The following TOP1MT variants were observed in gnomAD, a reference collection of about 807,000 sequenced individuals.
The protein encoded by TOP1MT is DNA topoisomerase I mitochondrial, also known as DNA topoisomerase I, mitochondrial.
A neutral mutation model predicts 73.9 loss-of-function variants in TOP1MT; 80 were observed. The ratio of observed to expected loss-of-function variants is 1.08; its 90% CI spans 0.90 to 1.30. The LOEUF is 1.30. TOP1MT is among the 50% of genes most tolerant of loss of function. The pLI, the probability that TOP1MT is intolerant of heterozygous loss-of-function variation, is 0.00. For synonymous variants in TOP1MT, 338 were observed against 326.4 expected, an observed-to-expected ratio of 1.04 and a Z score of -0.38; for missense variants, 815 against 808.0, an observed-to-expected ratio of 1.01 and a Z score of -0.10.
rs1370898269 is a variant in TOP1MT, at chr8:143,310,076, G to A, written c.1695C>T (p.Ser565=). 2.5e-6 allele frequency: 4 copies of A among 1,612,724 alleles called. No individual in the cohort carries two copies. Among genetic ancestry groups the A allele is most frequent in the Non-Finnish European group, 3.4e-6 (4 of 1,179,988 alleles). Residue 565 remains serine, a synonymous_variant, in exon 13 of 14, where the codon AGC becomes AGT. Transcript: ENST00000329245. ...SKLNYLDPRI[S]IAWCKRFRVP... is the part of the protein sequence containing the mutation. ...ACCCCAGGCACACGCACCAGGCAAT[G>A]CTGATCCTGGGGTCCAGGTAGTTGA...
rs548590741 is a variant in TOP1MT, at chr8:143,326,430, C to T, written c.361-86G>A. On this transcript the variant is annotated intron_variant, in intron 3 of 13. Transcript: ENST00000329245. ...TCGCCATGTCTGACGGACAGAAACG[C>T]GCTCTCGCCATGTCCGACGGAGGCG... is the stretch of plus-strand genomic sequence containing the variant. 243 of 1,571,540 alleles carry T rather than the reference C, an allele frequency of 1.5e-4. No homozygotes were observed. The African/African-American group carries it at 2.1e-3, about 14-fold the overall frequency.
rs1022801958 is a variant in TOP1MT at position 143,353,775 on chromosome 8, C to A, written c.-39+2190G>T. Reference sequence around the variant, plus strand: ...GGTCAGGAGTTTGAGACCAGCCTGGCCAACATGGTGAAACCCCGTCTCTAC... The same window carrying A: ...GGTCAGGAGTTTGAGACCAGCCTGGACAACATGGTGAAACCCCGTCTCTAC... On this transcript the variant is annotated intron_variant, in intron 1 of 5. Coordinates refer to the TOP1MT transcript ENST00000518760. 2.6e-5 allele frequency among the ~76,000 whole-genome samples: 4 copies of A among 151,844 alleles called. No homozygotes were observed. In the East Asian group the frequency reaches 7.8e-4, roughly 29 times the overall value.
chr8:143,319,062 C>T (rs1816256205), intron 8 of TOP1MT, among the ~76,000 whole-genome samples: 1 of 152,184 alleles, frequency 6.6e-6, no homozygotes, highest in African/African-American at 2.4e-5. Context: ...TTCACCACGG[C>T]AGGGGCACTG....
upstream of TOP1MT, among the ~76,000 whole-genome samples, chr8:143,349,296 A>G (rs1817281375): frequency 6.7e-6 from 1 of 149,424 alleles, no homozygotes; most frequent in African/African-American, 2.4e-5. Flanking sequence ...ACCTGCTCCC[A>G]GAGCCCCCCT....
chr8:143,324,429 G>T lies in TOP1MT; in HGVS notation c.816+56C>A, dbSNP rs548558202. ...TGCCCGGCTTACACACCTCCCTGCCGGCGTCCTCAGGGGGACCTCCTGGGG... is the reference window on the plus strand; with the variant it reads ...TGCCCGGCTTACACACCTCCCTGCCTGCGTCCTCAGGGGGACCTCCTGGGG... On this transcript the variant is annotated intron_variant, in intron 6 of 13. Transcript: ENST00000329245. The T allele has an allele frequency of 1.7e-4, 281 of 1,610,374 alleles. 1 individual carries two copies. The South Asian group carries it at 2.9e-3, about 17-fold the overall frequency.
chr8:143,351,427 G>T (rs1817319056), intron 1 of TOP1MT, among the ~76,000 whole-genome samples: 2 of 151,916 alleles, frequency 1.3e-5, no homozygotes, highest in South Asian at 4.2e-4. Context: ...ACAAAAATTA[G>T]CCTGGCAAGA....
intron 7 of TOP1MT, among the ~76,000 whole-genome samples, chr8:143,322,989 C>CAG (rs1563760617): frequency 1.7e-4 from 22 of 125,846 alleles, no homozygotes; most frequent in Non-Finnish European, 2.3e-4. Context: ...ACGCCACACA[C>CAG]GCACGCCACA....
In TOP1MT at chr8:143,354,542, G is replaced by A. The variant is rs556426237; in HGVS notation, c.-39+1423C>T. Among the ~76,000 whole-genome samples, 7 of 152,038 alleles carry A rather than the reference G, an allele frequency of 4.6e-5. No homozygotes were observed. In the East Asian group the frequency reaches 9.7e-4, roughly 21 times the overall value. ...AGCCTGACCAACATGGAGAAACCCC[G>A]TCTCTACTAAAAATACAAAATTAGC... On this transcript the variant is annotated intron_variant, in intron 1 of 5. Coordinates refer to the TOP1MT transcript ENST00000518760.
intron 12 of TOP1MT, among the ~76,000 whole-genome samples, chr8:143,314,588 C>CAA (rs57418152): frequency 0.12 from 12,084 of 99,436 alleles, 800 homozygotes; most frequent in African/African-American, 0.17. Context: ...GACTCCATCT[C>CAA]AAAAAAAAAA....
Position 143,315,728 on chromosome 8 carries a change from T to A in TOP1MT, c.1552A>T (p.Ser518Cys). ...HKAQGDGKSR[S>C]VLEKKRRLLE... ...GCGTCTGAGGGCACGGGTACTCACC[T>A]CCTGGACTTGCCATCCCCTTGGGCT... The change falls in exon 12 of 14, where the codon AGT (serine) becomes TGT (cysteine). Residue 518 changes from serine to cysteine, a missense_variant and splice_region_variant. Transcript: ENST00000329245. 1 of 1,613,864 alleles carries A rather than the reference T, an allele frequency of 6.2e-7. No individual in the cohort carries two copies. The highest frequency in any genetic ancestry group is 8.5e-7 in the Non-Finnish European group (1 of 1,179,852).
At chr8:143,323,785 C>A (rs575637471) in intron 7 of TOP1MT, among the ~76,000 whole-genome samples, 1 of 150,040 alleles carries the variant, frequency 6.7e-6, no homozygotes, top group South Asian at 2.1e-4. Flanking sequence ...ACAGGCACAC[C>A]ACACGCACAA....
Position 143,318,092 on chromosome 8 carries a change from GGAGA to G in TOP1MT, c.1147-10_1147-7del. 1 of 1,613,766 alleles carries G rather than the reference GGAGA, an allele frequency of 6.2e-7. No individual in the cohort carries two copies. The highest frequency in any genetic ancestry group is 1.1e-5 in the South Asian group (1 of 91,072). On this transcript the variant is annotated splice_polypyrimidine_tract_variant and splice_region_variant and intron_variant, in intron 8 of 13. Coordinates refer to ENST00000329245, the MANE Select transcript of TOP1MT (RefSeq NM_052963.3). Reference sequence around the variant, plus strand: ...AGCTGTAAGTTCTTGTACACCTGAAGGAGAAAGAAGGAATTTCAGAGGACAGAAA... The same window carrying G: ...AGCTGTAAGTTCTTGTACACCTGAAGAAGAAGGAATTTCAGAGGACAGAAA...
At chr8:143,334,710 C>T (rs1213836304) in intron 1 of TOP1MT, 30 bp downstream of exon 1, 2 of 1,597,446 alleles carry the variant, frequency 1.3e-6, no homozygotes, top group Admixed American at 1.7e-5. Flanking sequence ...TGCTCAGGGC[C>T]CTCGCCGCCT....
intron 12 of TOP1MT, among the ~76,000 whole-genome samples, chr8:143,312,261 A>G (rs1026829900): frequency 6.6e-6 from 1 of 152,222 alleles, no homozygotes; most frequent in Non-Finnish European, 1.5e-5. Context: ...ACCAAAATCA[A>G]TGACATCATA....
At chr8:143,332,699 G>A (rs560060048) in intron 1 of TOP1MT, 14 of 599,926 alleles carry the variant, frequency 2.3e-5, no homozygotes, top group East Asian at 1.4e-4. Flanking sequence ...ACGTAGAGAC[G>A]GAGCTGATAA....
At chr8:143,334,063 A>T (rs116294025) in intron 1 of TOP1MT, 3,272 of 152,400 alleles carry the variant, frequency 0.021, 129 homozygotes, top group African/African-American at 0.075. Flanking sequence ...GAATGATGAT[A>T]AACCGCGAGA....
chr8:143,315,873 C>T (rs762970659), intron 11 of TOP1MT, 52 bp from the exon 12 acceptor site: 54 of 1,606,668 alleles, frequency 3.4e-5, no homozygotes, highest in Non-Finnish European at 4.4e-5. Flanking sequence ...CGCACCAGCC[C>T]CTGTGCCCAC....
chr8:143,330,479 C>T (rs1015152594), intron 2 of TOP1MT, among the ~76,000 whole-genome samples: 8 of 152,246 alleles, frequency 5.3e-5, no homozygotes, highest in Admixed American at 5.2e-4. Flanking sequence ...TTTGGAGAAA[C>T]AGGCTTTGAA....
In TOP1MT at chr8:143,315,951, G is replaced by A. The variant is rs1302139704; in HGVS notation, c.1458+48C>T. 4 of 1,612,682 alleles carry A rather than the reference G, an allele frequency of 2.5e-6. No homozygotes were observed. The Admixed American group carries it at 6.7e-5, about 27-fold the overall frequency. The stretch of plus-strand genomic sequence containing the variant: ...CCTGTGCCGAGGCTCTGGGGAGGGG[G>A]AGGGGTCCCTTGAGGGCTGGGCTGG... On this transcript the variant is annotated intron_variant, in intron 11 of 13. Transcript: ENST00000329245.
Sources: gnomAD v4.1 joint callset for allele counts (sites outside exome capture counted in the v4.1 genomes callset) on GRCh38, gnomAD v4.1.1 for gene constraint, MANE v1.5 for transcripts, NCBI Gene and HGNC (gene_info 2026-07-23, HGNC 2026-07-21) for gene names.